The following SIDT1 variants were observed in gnomAD, a reference collection of about 807,000 sequenced individuals.
SIDT1 encodes the protein SID1 transmembrane family member 1.
In SIDT1, 101 loss-of-function variants were observed where a neutral mutation model predicts 107.5. The observed-to-expected ratio is 0.94, with a 90% CI of 0.80 to 1.11. SIDT1 has a LOEUF of 1.11. Among genes scored for constraint, SIDT1 ranks in the 50% least tolerant of loss-of-function variants. The pLI is 0.00. For missense variants in SIDT1, 1,076 were observed against 1,058.2 expected (o/e 1.02, Z -0.23); for synonymous variants, 395 against 398.2 (o/e 0.99, Z 0.10).
chr3:113,583,271 C>T (rs62265521), intron 6 of SIDT1, 138 bp from the exon 7 acceptor site: 107,836 of 503,104 alleles, frequency 0.21, 15,516 homozygotes, highest in East Asian at 0.62. Flanking sequence ...ATGTGAAAGT[C>T]CTTTCCAAGG....
intron 3 of SIDT1, among the ~76,000 whole-genome samples, chr3:113,569,926 A>G (rs896464675): frequency 5.9e-5 from 9 of 152,156 alleles, no homozygotes; most frequent in Admixed American, 5.2e-4. Flanking sequence ...ATATTTTTTG[A>G]GACCGAGTCT....
At position 113,604,938 on chromosome 3, in the gene SIDT1, G is replaced by T. The variant is rs61732220; in HGVS notation, c.1366G>T (p.Ala456Ser). The change falls in exon 14 of 25, where the codon GCG becomes TCG. Residue 456 changes from alanine to serine, a missense_variant. Physicochemically the swap from Ala to Ser is moderately conservative, Grantham distance 99 (BLOSUM62 1). Transcript: ENST00000264852. ...WNIITIAVFY[A>S]LPVIQLVITY... ...CATCATCACCATTGCTGTGTTTTAC[G>T]CGCTGCCCGTGATCCAGCTGGTCAT... is the stretch of plus-strand genomic sequence containing the variant. 5,835 of 1,613,890 alleles carry T rather than the reference G, an allele frequency of 3.6e-3. 190 individuals are homozygous for T. In the African/African-American group the frequency reaches 0.067, roughly 19 times the overall value.
chr3:113,604,985 T>TGCCCAA lies in SIDT1; in HGVS notation c.1404+13_1404+14insAAGCCC. The TGCCCAA allele has an allele frequency of 6.2e-7, 1 of 1,613,816 alleles. No individual in the cohort carries two copies. Among genetic ancestry groups the TGCCCAA allele is most frequent in the African/African-American group, 1.3e-5 (1 of 75,066 alleles). On this transcript the variant is annotated intron_variant, in intron 14 of 24. Transcript: ENST00000264852. ...TCATTACCTATCAGACAGTAAGTGC[T>TGCCCAA]GCCCCAGCCCCAGCCCCAGAGTCCC... is the stretch of plus-strand genomic sequence containing the variant.
intron 21 of SIDT1, among the ~76,000 whole-genome samples, chr3:113,623,055 G>A (rs1402417558): frequency 6.6e-6 from 1 of 151,656 alleles, no homozygotes; most frequent in Non-Finnish European, 1.5e-5. Flanking sequence ...GCTGGAAGTG[G>A]TGGCATGCAT....
chr3:113,592,751 C>G (rs1174855378), intron 9 of SIDT1: 2 of 397,406 alleles, frequency 5.0e-6, no homozygotes, highest in Non-Finnish European at 9.5e-6. Context: ...TCACGCCCAG[C>G]TAATTTTTGT....
intron 1 of SIDT1, among the ~76,000 whole-genome samples, chr3:113,560,554 A>T (rs1941334409): frequency 6.6e-6 from 1 of 152,194 alleles, no homozygotes; most frequent in Non-Finnish European, 1.5e-5. Context: ...ACACCCAGCG[A>T]ACACAACCAA....
rs201672512 is a variant in SIDT1 at position 113,566,490 on chromosome 3, G to A, written c.293G>A (p.Arg98His). 4.3e-6 allele frequency: 7 copies of A among 1,614,104 alleles called. No homozygotes were observed. Among genetic ancestry groups the A allele is most frequent in the South Asian group, 1.1e-5 (1 of 91,070 alleles). Residue 98 changes from arginine (R) to histidine (H), a missense_variant, in exon 2 of 25, where the codon CGC (arginine) becomes CAC (histidine). By Grantham distance (29) the Arg-to-His change is conservative (BLOSUM62 0). Coordinates refer to ENST00000264852, the MANE Select transcript of SIDT1 (RefSeq NM_017699.3). ...NLNYPVLVVV[R>H]QQKEVLSWQV... Reference sequence around the variant, plus strand: ...AACTACCCGGTCCTTGTTGTGGTTCGCCAGCAGAAAGAGGTGCTGTCCTGG... The same window carrying A: ...AACTACCCGGTCCTTGTTGTGGTTCACCAGCAGAAAGAGGTGCTGTCCTGG...
At chr3:113,559,435 A>ATTTTTTT (rs57171720) in intron 1 of SIDT1, among the ~76,000 whole-genome samples, 1 of 143,060 alleles carries the variant, frequency 7.0e-6, no homozygotes, top group Non-Finnish European at 1.5e-5. Context: ...CTTTTTATTT[A>ATTTTTTT]TTTTTTTTTT....
chr3:113,606,977 T>A, intron 14 of SIDT1, 64 bp from the exon 15 acceptor site: 2 of 1,024,662 alleles, frequency 2.0e-6, no homozygotes, highest in Non-Finnish European at 3.1e-6. Context: ...GCTCTTTGTG[T>A]TCCTGCTGGG....
intron 13 of SIDT1, among the ~76,000 whole-genome samples, chr3:113,604,703 C>T (rs528537819): frequency 6.6e-6 from 1 of 152,276 alleles, no homozygotes; most frequent in Admixed American, 6.5e-5. Context: ...TTTAATTCCC[C>T]TTTAGACAAG....
intron 1 of SIDT1, among the ~76,000 whole-genome samples, chr3:113,557,710 C>A (rs544568606): frequency 6.6e-6 from 1 of 152,334 alleles, no homozygotes; most frequent in African/African-American, 2.4e-5. Context: ...TTCCAGACTT[C>A]TAGTCTGAAG....
intron 10 of SIDT1, among the ~76,000 whole-genome samples, chr3:113,597,203 A>C (rs977095201): frequency 6.6e-6 from 1 of 152,154 alleles, no homozygotes; most frequent in Non-Finnish European, 1.5e-5. Flanking sequence ...ATTGGCATAA[A>C]AATAAAATTT....
At position 113,629,181 on chromosome 3, in the gene SIDT1, C is replaced by T. The variant is rs947543547; in HGVS notation, c.*1473C>T. 1 of 152,106 alleles carries T rather than the reference C, an allele frequency of 6.6e-6. No individual in the cohort carries two copies. The highest frequency in any genetic ancestry group is 1.5e-5 in the Non-Finnish European group (1 of 68,024). The allele number at this position is 152,106 out of a possible 1,614,324, so 9.4% of individuals were successfully genotyped here. A position where few individuals can be genotyped will look rare whatever the true frequency, so the allele number is the denominator to read the frequency against. Reference sequence around the variant, plus strand: ...AAACTATTTGCATTGTGTTCAAAAACCCATTTTAGAAGTTTGAACAGCAAG... The same window carrying T: ...AAACTATTTGCATTGTGTTCAAAAATCCATTTTAGAAGTTTGAACAGCAAG... On this transcript the variant is annotated 3_prime_UTR_variant, in exon 25 of 25. Transcript: ENST00000264852.
At chr3:113,623,024 C>G (rs1057228769) in intron 21 of SIDT1, among the ~76,000 whole-genome samples, 6 of 150,960 alleles carry the variant, frequency 4.0e-5, no homozygotes, top group Admixed American at 4.0e-4. Context: ...CCTGCCTCTA[C>G]AAAAAAAATT....
In SIDT1 at chr3:113,604,938, G is replaced by C. The variant is rs61732220; in HGVS notation, c.1366G>C (p.Ala456Pro). 1.2e-6 allele frequency: 2 copies of C among 1,613,890 alleles called. No homozygotes were observed. The highest frequency in any genetic ancestry group is 1.7e-6 in the Non-Finnish European group (2 of 1,179,996). Reference sequence around the variant, plus strand: ...CATCATCACCATTGCTGTGTTTTACGCGCTGCCCGTGATCCAGCTGGTCAT... The same window carrying C: ...CATCATCACCATTGCTGTGTTTTACCCGCTGCCCGTGATCCAGCTGGTCAT... ...WNIITIAVFY[A>P]LPVIQLVITY... The change falls in exon 14 of 25, where the codon GCG (alanine) becomes CCG (proline). Residue 456 changes from alanine to proline, a missense_variant. Coordinates refer to ENST00000264852, the MANE Select transcript of SIDT1 (RefSeq NM_017699.3).
chr3:113,576,649 A>C (rs550215759), intron 3 of SIDT1, among the ~76,000 whole-genome samples: 3 of 152,310 alleles, frequency 2.0e-5, no homozygotes, highest in Non-Finnish European at 4.4e-5. Flanking sequence ...AAAGTAAATA[A>C]ACTACCTTAT....
intron 1 of SIDT1, among the ~76,000 whole-genome samples, chr3:113,562,840 T>C (rs750832717): frequency 1.6e-4 from 24 of 152,192 alleles, no homozygotes; most frequent in Admixed American, 2.6e-4. Context: ...TTTAAAAGAA[T>C]GAATTGTGTG....
At chr3:113,585,666 A>T (rs28530478) in intron 9 of SIDT1, among the ~76,000 whole-genome samples, 41,595 of 152,066 alleles carry the variant, frequency 0.27, 6,261 homozygotes, top group East Asian at 0.59. Context: ...AAACATTCTA[A>T]CAAAAAGTAA....
chr3:113,578,416 A>T (rs1943080533), intron 4 of SIDT1, among the ~76,000 whole-genome samples: 1 of 151,596 alleles, frequency 6.6e-6, no homozygotes, highest in Non-Finnish European at 1.5e-5. Context: ...GCAGTGAGCC[A>T]AGATTGAGCC....
Sources: gnomAD v4.1 joint callset for allele counts (sites outside exome capture counted in the v4.1 genomes callset) on GRCh38, gnomAD v4.1.1 for gene constraint, MANE v1.5 for transcripts, NCBI Gene and HGNC (gene_info 2026-07-23, HGNC 2026-07-21) for gene names.